CSMD3: variants seen among roughly 807,000 people sequenced by gnomAD.
CSMD3 encodes CUB and Sushi multiple domains 3.
CSMD3 carries 177 observed loss-of-function variants against 435.2 expected under a neutral mutation model. The observed-to-expected ratio is 0.41, with a 90% confidence interval of 0.36 to 0.46. The LOEUF (loss-of-function observed/expected upper bound fraction) is 0.46. CSMD3 is among the 20% of genes least tolerant of loss of function. The pLI is 0.34. For synonymous variants in CSMD3, 1,656 were observed against 1,520.5 expected (o/e 1.09, Z -2.07); for missense variants, 4,265 against 4,504.6 (o/e 0.95, Z 1.52).
rs1487208989 is a variant in CSMD3 at position 112,329,788 on chromosome 8, AC to A, written c.7165+5540del. 2.0e-5 allele frequency among the ~76,000 whole-genome samples: 3 copies of A among 152,244 alleles called. No individual in the cohort carries two copies. In the East Asian group the frequency reaches 5.8e-4, roughly 29 times the overall value. On this transcript the variant is annotated intron_variant, in intron 45 of 70. Transcript: ENST00000297405. Reference sequence around the variant, plus strand: ...GTCAAAAGATAGTAATTTTGACATGACTTTTAGTTTTGAGTAATAATTAAGT... The same window carrying A: ...GTCAAAAGATAGTAATTTTGACATGATTTTAGTTTTGAGTAATAATTAAGT...
At chr8:112,755,407 G>A (rs1029063047) in intron 13 of CSMD3, among the ~76,000 whole-genome samples, 1 of 150,834 alleles carries the variant, frequency 6.6e-6, no homozygotes, top group African/African-American at 2.4e-5. Context: ...TCTCATGATA[G>A]TGACTTCTCA....
chr8:112,550,909 C>T (rs559587548), intron 26 of CSMD3, 36 bp from the exon 27 acceptor site: 1 of 1,477,992 alleles, frequency 6.8e-7, no homozygotes, highest in East Asian at 2.3e-5. Flanking sequence ...TTATTTTAAA[C>T]AAGGATTCAA....
intron 9 of CSMD3, among the ~76,000 whole-genome samples, chr8:112,925,672 G>A (rs138127215): frequency 1.1e-4 from 17 of 152,282 alleles, no homozygotes; most frequent in African/African-American, 3.6e-4. Flanking sequence ...GAGAGAAATA[G>A]TGTAAAGATA....
chr8:113,231,493 A>T (rs1234407472), intron 3 of CSMD3, among the ~76,000 whole-genome samples: 1 of 151,494 alleles, frequency 6.6e-6, no homozygotes, highest in Non-Finnish European at 1.5e-5. Flanking sequence ...TATTTTTTAA[A>T]AAACAAACTA....
intron 1 of CSMD3, among the ~76,000 whole-genome samples, chr8:113,393,459 C>T (rs2094470115): frequency 6.6e-6 from 1 of 152,066 alleles, no homozygotes; most frequent in African/African-American, 2.4e-5. Flanking sequence ...CAAAATGGAG[C>T]TGGAGAAGTC....
intron 17 of CSMD3, among the ~76,000 whole-genome samples, chr8:112,660,301 A>T (rs1355232219): frequency 6.6e-6 from 1 of 152,188 alleles, no homozygotes; most frequent in Non-Finnish European, 1.5e-5. Flanking sequence ...CAAGGAAGTG[A>T]TAGGCATATT....
At chr8:113,333,174 T>C (rs916637676) in intron 1 of CSMD3, among the ~76,000 whole-genome samples, 1 of 151,708 alleles carries the variant, frequency 6.6e-6, no homozygotes, top group African/African-American at 2.4e-5. Flanking sequence ...ATATTCTAGA[T>C]GCAGGTACTC....
chr8:112,304,641 T>C, intron 52 of CSMD3, 80 bp downstream of exon 52: 1 of 1,011,288 alleles, frequency 9.9e-7, no homozygotes, highest in Non-Finnish European at 1.6e-6. Flanking sequence ...TGATCTAATG[T>C]GTTTATGAAA....
chr8:113,409,523 G>C (rs1189251384), intron 1 of CSMD3, among the ~76,000 whole-genome samples: 7 of 152,148 alleles, frequency 4.6e-5, no homozygotes, highest in Non-Finnish European at 1.0e-4. Context: ...GACCGGCACT[G>C]TATATTCATG....
At chr8:112,851,367 G>A (rs1266889388) in intron 11 of CSMD3, among the ~76,000 whole-genome samples, 1 of 152,134 alleles carries the variant, frequency 6.6e-6, no homozygotes, top group Non-Finnish European at 1.5e-5. Flanking sequence ...TACAGGCCCA[G>A]TTTCACGTTT....
At chr8:112,508,101 G>T (rs1389157873) in intron 28 of CSMD3, among the ~76,000 whole-genome samples, 1 of 152,002 alleles carries the variant, frequency 6.6e-6, no homozygotes, top group African/African-American at 2.4e-5. Context: ...CGTCAACCTG[G>T]TCACATAATC....
chr8:112,481,515 G>A (rs1318245761), intron 31 of CSMD3, among the ~76,000 whole-genome samples: 3 of 152,072 alleles, frequency 2.0e-5, no homozygotes, highest in African/African-American at 7.2e-5. Flanking sequence ...TCACAAAAGA[G>A]CAATGTGATA....
Position 113,432,705 on chromosome 8 carries a change from A to G in CSMD3, c.178+3972T>C, listed in dbSNP as rs2094682228. Among the ~76,000 whole-genome samples the G allele has an allele frequency of 2.6e-5, 4 of 152,084 alleles. No individual in the cohort carries two copies. In the South Asian group the frequency reaches 8.3e-4, roughly 31 times the overall value. The stretch of plus-strand genomic sequence containing the variant: ...CGAACTCCCCGAGTGCGTCTTAGAT[A>G]AGTTATTTGAGTGAGGACAGCGCTG... On this transcript the variant is annotated intron_variant, in intron 1 of 70. Coordinates refer to ENST00000297405, the MANE Select transcript of CSMD3 (RefSeq NM_198123.2).
At chr8:113,064,583 A>G (rs534226809) in intron 5 of CSMD3, among the ~76,000 whole-genome samples, 1 of 152,276 alleles carries the variant, frequency 6.6e-6, no homozygotes, top group South Asian at 2.1e-4. Context: ...AAACTAAGCT[A>G]TTGAGGAAAT....
intron 10 of CSMD3, among the ~76,000 whole-genome samples, chr8:112,892,627 T>G (rs1267851639): frequency 6.6e-6 from 1 of 151,518 alleles, no homozygotes; most frequent in Non-Finnish European, 1.5e-5. Flanking sequence ...ACTTTTGTAC[T>G]TACTGTTCTC....
intron 1 of CSMD3, among the ~76,000 whole-genome samples, chr8:113,333,372 A>AT (rs796504088): frequency 2.0e-5 from 3 of 151,658 alleles, no homozygotes; most frequent in African/African-American, 4.8e-5. Flanking sequence ...GATTTTAAAC[A>AT]TTTTTTGTAT....
chr8:113,327,398 T>C (rs1563704361), intron 1 of CSMD3, among the ~76,000 whole-genome samples: 1 of 152,198 alleles, frequency 6.6e-6, no homozygotes, highest in Non-Finnish European at 1.5e-5. Flanking sequence ...TTTCCAGAGC[T>C]ATGGGATTTA....
chr8:112,908,427 G>A (rs904297083), intron 10 of CSMD3, among the ~76,000 whole-genome samples: 2 of 151,352 alleles, frequency 1.3e-5, no homozygotes, highest in Non-Finnish European at 3.0e-5. Context: ...CTTTGTAGCT[G>A]CAATTCAATA....
intron 70 of CSMD3, among the ~76,000 whole-genome samples, chr8:112,228,486 C>A (rs928285128): frequency 2.0e-5 from 3 of 152,118 alleles, no homozygotes; most frequent in African/African-American, 7.2e-5. Context: ...ATAACTTTTA[C>A]AATTAGGTCC....
Sources: gnomAD v4.1 joint callset for allele counts (sites outside exome capture counted in the v4.1 genomes callset) on GRCh38, gnomAD v4.1.1 for gene constraint, MANE v1.5 for transcripts, NCBI Gene and HGNC (gene_info 2026-07-23, HGNC 2026-07-21) for gene names.